NRXN3: variants seen among roughly 807,000 people sequenced by gnomAD.
NRXN3 encodes the protein neurexin 3.
A neutral mutation model predicts 137.6 loss-of-function variants in NRXN3; 32 were observed. That is an observed-to-expected ratio of 0.23 (90% CI 0.18 to 0.31). NRXN3 has a LOEUF of 0.31. Among genes scored for constraint, NRXN3 ranks in the 10% least tolerant of loss-of-function variants. The pLI, the probability that NRXN3 is intolerant of heterozygous loss-of-function variation, is 1.00. For missense variants in NRXN3, 1,574 were observed against 2,062.5 expected, an observed-to-expected ratio of 0.76 and a Z score of 4.59; for synonymous variants, 798 against 784.5, an observed-to-expected ratio of 1.02 and a Z score of -0.29.
At chr14:78,973,623 G>A (rs2099452383) in intron 14 of NRXN3, among the ~76,000 whole-genome samples, 1 of 152,124 alleles carries the variant, frequency 6.6e-6, no homozygotes, top group South Asian at 2.1e-4. Flanking sequence ...TACCACATGT[G>A]AGATGTTAGT....
At chr14:79,236,218 C>T (rs1266419390) in intron 15 of NRXN3, among the ~76,000 whole-genome samples, 1 of 152,044 alleles carries the variant, frequency 6.6e-6, no homozygotes, top group African/African-American at 2.4e-5. Context: ...CACACACTTC[C>T]ACTCACCTTC....
chr14:79,569,251 T>C (rs17109461), intron 16 of NRXN3, among the ~76,000 whole-genome samples: 9,495 of 152,068 alleles, frequency 0.062, 501 homozygotes, highest in African/African-American at 0.14. Flanking sequence ...GAAAATACAT[T>C]CTTGCCTTCC....
chr14:78,261,449 C>T (rs1440976020), intron 2 of NRXN3, among the ~76,000 whole-genome samples: 6 of 152,246 alleles, frequency 3.9e-5, no homozygotes, highest in Middle Eastern at 3.4e-3. Context: ...GGGCTGGAAT[C>T]GCATATTCTC....
chr14:78,916,589 G>A (rs2099255979), intron 10 of NRXN3, among the ~76,000 whole-genome samples: 1 of 152,146 alleles, frequency 6.6e-6, no homozygotes, highest in African/African-American at 2.4e-5. Context: ...AACCAGGGGG[G>A]CTTGGGAGAT....
At chr14:79,751,915 A>C (rs2098999219) in intron 19 of NRXN3, among the ~76,000 whole-genome samples, 1 of 152,062 alleles carries the variant, frequency 6.6e-6, no homozygotes, top group Admixed American at 6.5e-5. Flanking sequence ...CATCCCAGGG[A>C]TGAAGCCCAC....
chr14:79,513,409 C>T (rs1238493124), intron 16 of NRXN3, among the ~76,000 whole-genome samples: 1 of 152,190 alleles, frequency 6.6e-6, no homozygotes, highest in Non-Finnish European at 1.5e-5. Flanking sequence ...CTAAACCACC[C>T]TTTGCCATGA....
At chr14:79,508,227 A>G (rs1431064900) in intron 16 of NRXN3, among the ~76,000 whole-genome samples, 1 of 151,818 alleles carries the variant, frequency 6.6e-6, no homozygotes, top group Non-Finnish European at 1.5e-5. Flanking sequence ...AATATTTAAC[A>G]CTAAACTTGG....
intron 19 of NRXN3, among the ~76,000 whole-genome samples, chr14:79,713,700 A>C (rs1407328454): frequency 6.7e-6 from 1 of 150,306 alleles, no homozygotes. Context: ...CCAAGGCAAA[A>C]TGTTCAACTC....
intron 8 of NRXN3, among the ~76,000 whole-genome samples, chr14:78,750,685 A>G (rs1334056447): frequency 6.6e-6 from 1 of 152,204 alleles, no homozygotes; most frequent in Non-Finnish European, 1.5e-5. Context: ...TCTCTGATGT[A>G]AGAGCCTGAC....
chr14:79,801,535 G>A (rs186979049), intron 19 of NRXN3, among the ~76,000 whole-genome samples: 1 of 151,252 alleles, frequency 6.6e-6, no homozygotes, highest in Non-Finnish European at 1.5e-5. Flanking sequence ...AAGTAACTAA[G>A]TGACGTGTGT....
chr14:78,502,662 A>G (rs2095901726), intron 4 of NRXN3, among the ~76,000 whole-genome samples: 1 of 152,196 alleles, frequency 6.6e-6, no homozygotes, highest in African/African-American at 2.4e-5. Context: ...CTTGCAATCT[A>G]AATGGACCCA....
intron 15 of NRXN3, among the ~76,000 whole-genome samples, chr14:79,286,027 G>A (rs995438731): frequency 1.3e-5 from 2 of 152,134 alleles, no homozygotes; most frequent in Admixed American, 6.5e-5. Context: ...GTAATGTTGT[G>A]TTTACAGATA....
At chr14:79,705,113 G>A (rs916309846) in intron 19 of NRXN3, among the ~76,000 whole-genome samples, 1 of 152,084 alleles carries the variant, frequency 6.6e-6, no homozygotes, top group East Asian at 1.9e-4. Flanking sequence ...TTTACAGGAT[G>A]GAATTTCCAC....
chr14:78,663,234 G>A (rs1185358923), intron 6 of NRXN3, among the ~76,000 whole-genome samples: 3 of 152,166 alleles, frequency 2.0e-5, no homozygotes, highest in Admixed American at 2.0e-4. Context: ...CTCTGGAAAA[G>A]GTTGGTGATT....
intron 18 of NRXN3, among the ~76,000 whole-genome samples, chr14:79,696,664 T>C (rs2098736702): frequency 6.6e-6 from 1 of 151,928 alleles, no homozygotes. Flanking sequence ...GTTTCATTCT[T>C]CTAAACTCTA....
intron 10 of NRXN3, among the ~76,000 whole-genome samples, chr14:78,900,427 C>T (rs558251016): frequency 1.3e-4 from 20 of 149,736 alleles, no homozygotes; most frequent in African/African-American, 5.0e-4. Context: ...AGGCAGCAAC[C>T]TCCTTCATTT....
chr14:79,244,975 A>T (rs1248979932), intron 15 of NRXN3, among the ~76,000 whole-genome samples: 3 of 152,118 alleles, frequency 2.0e-5, no homozygotes, highest in African/African-American at 7.2e-5. Flanking sequence ...TCAAGGCAGG[A>T]TATAACAGTG....
intron 15 of NRXN3, among the ~76,000 whole-genome samples, chr14:79,052,045 G>T (rs568077855): frequency 6.6e-6 from 1 of 152,272 alleles, no homozygotes; most frequent in Non-Finnish European, 1.5e-5. Context: ...CTTAATTTAT[G>T]TAATTTTTAA....
At chr14:79,481,456 A>C (rs1359096457) in intron 16 of NRXN3, among the ~76,000 whole-genome samples, 6 of 152,166 alleles carry the variant, frequency 3.9e-5, no homozygotes, top group African/African-American at 1.4e-4. Context: ...CTACACTCCT[A>C]GCTATATGGT....
Sources: gnomAD v4.1 joint callset for allele counts (sites outside exome capture counted in the v4.1 genomes callset) on GRCh38, gnomAD v4.1.1 for gene constraint, MANE v1.5 for transcripts, NCBI Gene and HGNC (gene_info 2026-07-23, HGNC 2026-07-21) for gene names.